The following LHX6 variants were observed in gnomAD, a reference collection of about 807,000 sequenced individuals.
LHX6 encodes LIM/homeobox protein Lhx6.
In LHX6, 15 loss-of-function variants were observed where a neutral mutation model predicts 47.1. The observed-to-expected ratio is 0.32, with a 90% CI of 0.21 to 0.49. The LOEUF (loss-of-function observed/expected upper bound fraction) is 0.49. Ranked by LOEUF, LHX6 falls within the 20% of genes least tolerant of loss-of-function variation. LHX6 has a pLI of 0.99. For synonymous variants in LHX6, 242 were observed against 233.5 expected (o/e 1.04, Z -0.33); for missense variants, 404 against 539.6 (o/e 0.75, Z 2.49).
In LHX6 at chr9:122,207,997, C is replaced by T. The variant is rs75491106; in HGVS notation, c.1158+1617G>A. 2.0e-3 allele frequency among the ~76,000 whole-genome samples: 301 copies of T among 152,250 alleles called. 2 individuals are homozygous for T. Among genetic ancestry groups the T allele is most frequent in the African/African-American group, 6.9e-3 (285 of 41,532 alleles). On this transcript the variant is annotated intron_variant, in intron 9 of 9. Transcript: ENST00000394319. ...CCCTAATGCTCTGACCCTCTCCCTC[C>T]GAGGGACTGCCACACCCACTGACCT... is the stretch of plus-strand genomic sequence containing the variant.
At chr9:122,219,312 A>G (rs1830726543) in intron 4 of LHX6, among the ~76,000 whole-genome samples, 2 of 152,190 alleles carry the variant, frequency 1.3e-5, no homozygotes, top group South Asian at 4.1e-4. Flanking sequence ...GGAGGCGCAG[A>G]GCACCTTCGT....
intron 9 of LHX6, among the ~76,000 whole-genome samples, chr9:122,205,251 C>T (rs1308959316): frequency 1.3e-5 from 2 of 152,232 alleles, no homozygotes; most frequent in African/African-American, 4.8e-5. Flanking sequence ...GCTCTCCCTA[C>T]CAAAGCACAT....
chr9:122,217,684 G>A lies in LHX6; in HGVS notation c.462-396C>T, dbSNP rs1285636971. On this transcript the variant is annotated intron_variant, in intron 4 of 9. Coordinates refer to ENST00000394319, the MANE Select transcript of LHX6 (RefSeq NM_014368.5). This position sits in a 1 kb window ranked among gnomAD's most constrained non-coding sequence, Gnocchi z 4.9. Reference sequence around the variant, plus strand: ...GATTATCCCAATTAATCCTCATTTTGCAGGTGAGGAAAATGGGGACTAGAG... The same window carrying A: ...GATTATCCCAATTAATCCTCATTTTACAGGTGAGGAAAATGGGGACTAGAG... Among the ~76,000 whole-genome samples the A allele has an allele frequency of 2.6e-5, 4 of 152,198 alleles. No homozygotes were observed. The highest frequency in any genetic ancestry group is 9.6e-5 in the African/African-American group (4 of 41,458).
intron 1 of LHX6, chr9:122,228,435 C>CT (rs1831201634): frequency 6.9e-7 from 1 of 1,455,730 alleles, no homozygotes; most frequent in Admixed American, 2.9e-5. Flanking sequence ...TACTAAATCG[C>CT]TTTTTGAGAA....
intron 4 of LHX6, among the ~76,000 whole-genome samples, chr9:122,222,925 T>C (rs946118796): frequency 6.6e-5 from 10 of 152,162 alleles, no homozygotes; most frequent in Admixed American, 6.5e-4. Context: ...GTCCACATCC[T>C]ACCAGACCCT....
Position 122,228,833 on chromosome 9 carries a change from A to T in LHX6, c.-93T>A, listed in dbSNP as rs1320704640. ...CAGTGGGAGCAGAGGCTGCTGCAGGAGCAGGAGGAGAGCCGAGGCGCCGGC... is the reference window on the plus strand; with the variant it reads ...CAGTGGGAGCAGAGGCTGCTGCAGGTGCAGGAGGAGAGCCGAGGCGCCGGC... On this transcript the variant is annotated 5_prime_UTR_variant, in exon 1 of 10. Transcript: ENST00000394319. 3.4e-6 allele frequency: 3 copies of T among 875,108 alleles called. No individual in the cohort carries two copies. The African/African-American group carries it at 5.4e-5, about 16-fold the overall frequency. The allele number at this position is 875,108 out of a possible 1,614,324, so 54.2% of individuals were successfully genotyped here.
rs529524045 is a variant in LHX6 at position 122,214,246 on chromosome 9, G to T, written c.783+37C>A. 1.5e-5 allele frequency: 21 copies of T among 1,375,294 alleles called. No homozygotes were observed. The African/African-American group carries it at 3.1e-4, about 20-fold the overall frequency. 85.2% of individuals were successfully genotyped at this position (1,375,294 alleles called of 1,614,324 possible). A position where few individuals can be genotyped will look rare whatever the true frequency, so the allele number is the denominator to read the frequency against. ...TGTCGGCCCCGCCCACTTTCGGCCC[G>T]GCCCCCGCCCCCGCCGCCCACTGCT... On this transcript the variant is annotated intron_variant, in intron 6 of 9. Coordinates refer to ENST00000394319, the MANE Select transcript of LHX6 (RefSeq NM_014368.5). This position sits in a 1 kb window ranked among gnomAD's most constrained non-coding sequence, Gnocchi z 4.6.
chr9:122,204,841 C>G (rs1407697120), intron 9 of LHX6, 61 bp from the exon 10 acceptor site: 2 of 1,211,730 alleles, frequency 1.7e-6, no homozygotes, highest in Non-Finnish European at 1.1e-6. Context: ...TGCTGCCCCC[C>G]AGAGAACCTC....
At chr9:122,212,620 C>A (rs963228760) in intron 8 of LHX6, among the ~76,000 whole-genome samples, 9 of 152,208 alleles carry the variant, frequency 5.9e-5, no homozygotes, top group African/African-American at 1.9e-4. Context: ...AGCAGATTCA[C>A]TGAACACTCA....
intron 5 of LHX6, among the ~76,000 whole-genome samples, chr9:122,215,062 T>G (rs1281716804): frequency 1.3e-5 from 2 of 152,350 alleles, no homozygotes; most frequent in African/African-American, 2.4e-5. Flanking sequence ...ACACTAACCA[T>G]ATTCCCATTT....
In LHX6 at chr9:122,214,753, CTG is replaced by C. The variant is rs926247326; in HGVS notation, c.683-372_683-371del. On this transcript the variant is annotated intron_variant, in intron 5 of 9. Coordinates refer to ENST00000394319, the MANE Select transcript of LHX6 (RefSeq NM_014368.5). This position sits in a 1 kb window ranked among gnomAD's most constrained non-coding sequence, Gnocchi z 4.6. ...CAAACTGGGCTCCCTGCTGGCGAAA[CTG>C]GGGGACACCAAAGGCTAGAGGAGAT... Among the ~76,000 whole-genome samples the C allele has an allele frequency of 4.6e-5, 7 of 152,218 alleles. 1 individual carries two copies. In the East Asian group the frequency reaches 1.4e-3, roughly 29 times the overall value.
intron 5 of LHX6, among the ~76,000 whole-genome samples, chr9:122,215,165 G>A (rs1490234227): frequency 1.3e-5 from 2 of 151,976 alleles, no homozygotes; most frequent in African/African-American, 2.4e-5. Context: ...AGTAATTCCA[G>A]CACTCAGAAA....
chr9:122,219,729 A>G (rs1830758899), intron 4 of LHX6, among the ~76,000 whole-genome samples: 1 of 152,210 alleles, frequency 6.6e-6, no homozygotes, highest in East Asian at 1.9e-4. Flanking sequence ...AGAGCCGGCG[A>G]GTGATTTGCC....
Position 122,228,734 on chromosome 9 carries a change from A to G in LHX6, c.7T>C (p.Trp3Arg), listed in dbSNP as rs1831218134. 2 of 1,288,922 alleles carry G rather than the reference A, an allele frequency of 1.6e-6. No homozygotes were observed. The highest frequency in any genetic ancestry group is 2.0e-6 in the Non-Finnish European group (2 of 1,016,270). The allele number at this position is 1,288,922 out of a possible 1,614,324, so 79.8% of individuals were successfully genotyped here. A position where few individuals can be genotyped will look rare whatever the true frequency, so the allele number is the denominator to read the frequency against. The change falls in exon 1 of 10, where the codon TGG becomes CGG. Residue 3 changes from tryptophan to arginine, a missense_variant. This residue lies in a region of LHX6 where 144 missense variants were observed against 128.7 expected (regional missense o/e 1.12). Coordinates refer to ENST00000394319, the MANE Select transcript of LHX6 (RefSeq NM_014368.5). MY[W>R]KHENAAPALP... ...GCCGGGGCGGCGTTCTCATGCTTCC[A>G]GTACATGGGCCGGGGAACCTCGGGC...
At chr9:122,228,603 C>T in intron 1 of LHX6, 54 bp downstream of exon 1, 4 of 1,329,504 alleles carry the variant, frequency 3.0e-6, no homozygotes, top group African/African-American at 1.5e-5. Flanking sequence ...GGCTGGGTCC[C>T]GGACCCTGCC....
rs1237897973 is a variant in LHX6 at position 122,228,111 on chromosome 9, C to T, written c.84+546G>A. On this transcript the variant is annotated intron_variant, in intron 1 of 9. Coordinates refer to ENST00000394319, the MANE Select transcript of LHX6 (RefSeq NM_014368.5). ...ACCCCGAGCGCGGTGAGCACCCGCCCGCCCGCCCGCCTGACACGCGCGGCG... is the reference window on the plus strand; with the variant it reads ...ACCCCGAGCGCGGTGAGCACCCGCCTGCCCGCCCGCCTGACACGCGCGGCG... 16 of 564,586 alleles carry T rather than the reference C, an allele frequency of 2.8e-5. 2 individuals carry two copies. The highest frequency in any genetic ancestry group is 4.9e-5 in the Non-Finnish European group (16 of 325,754). The allele number at this position is 564,586 out of a possible 1,614,324, so 35.0% of individuals were successfully genotyped here.
intron 9 of LHX6, 40 bp downstream of exon 9, chr9:122,209,574 G>A (rs1830319213): frequency 6.2e-7 from 1 of 1,613,154 alleles, no homozygotes; most frequent in Non-Finnish European, 8.5e-7. Context: ...TCCCCAGCAG[G>A]GTGGCTCTGA....
chr9:122,219,170 A>AT (rs1261678847), intron 4 of LHX6, among the ~76,000 whole-genome samples: 1 of 152,232 alleles, frequency 6.6e-6, no homozygotes, highest in Non-Finnish European at 1.5e-5. Context: ...GTTGAAAAAA[A>AT]CAGCGTTGGG....
chr9:122,215,554 G>A (rs1384109702), intron 5 of LHX6, among the ~76,000 whole-genome samples: 1 of 152,166 alleles, frequency 6.6e-6, no homozygotes, highest in African/African-American at 2.4e-5. Flanking sequence ...GTCCTGGTTG[G>A]ACCATGTGTG....
Sources: allele counts gnomAD v4.1 joint callset (sites outside exome capture counted in the v4.1 genomes callset), GRCh38; gene constraint gnomAD v4.1.1; regional missense constraint gnomAD v4.1.1; non-coding constraint Gnocchi (gnomAD v3.1); transcripts MANE v1.5; gene names NCBI Gene and HGNC (gene_info 2026-07-23, HGNC 2026-07-21).